DGKB: variants seen among roughly 807,000 people sequenced by gnomAD.
The protein encoded by DGKB is 90 kDa diacylglycerol kinase.
DGKB carries 67 observed loss-of-function variants against 114.3 expected under a neutral mutation model. The observed-to-expected ratio is 0.59, with a 90% CI of 0.48 to 0.72. The LOEUF (loss-of-function observed/expected upper bound fraction) is 0.72. DGKB is among the 30% of genes least tolerant of loss of function. The pLI, the probability that DGKB is intolerant of heterozygous loss-of-function variation, is 0.00. For synonymous variants in DGKB, 398 were observed against 323.1 expected, an observed-to-expected ratio of 1.23 and a Z score of -2.49; for missense variants, 907 against 975.2, an observed-to-expected ratio of 0.93 and a Z score of 0.93.
At chr7:14,356,681 T>G (rs2128619372) in intron 21 of DGKB, among the ~76,000 whole-genome samples, 1 of 152,190 alleles carries the variant, frequency 6.6e-6, no homozygotes, top group East Asian at 1.9e-4. Flanking sequence ...GTTCTTTTAA[T>G]TATGATGTTA....
At chr7:14,259,646 G>A (rs1473127316) in intron 23 of DGKB, among the ~76,000 whole-genome samples, 2 of 152,024 alleles carry the variant, frequency 1.3e-5, no homozygotes, top group Non-Finnish European at 1.5e-5. Flanking sequence ...GGATGGTCTT[G>A]AACTCCTGGC....
At chr7:14,269,991 A>C (rs2128429456) in intron 23 of DGKB, among the ~76,000 whole-genome samples, 1 of 149,078 alleles carries the variant, frequency 6.7e-6, no homozygotes, top group South Asian at 2.1e-4. Flanking sequence ...GACCTTTCTC[A>C]ATTGAGGGTC....
At chr7:14,449,026 T>C (rs193090726) in intron 21 of DGKB, among the ~76,000 whole-genome samples, 81 of 152,194 alleles carry the variant, frequency 5.3e-4, no homozygotes, top group Non-Finnish European at 9.6e-4. Flanking sequence ...CAAGTGTCCT[T>C]AGGAACTCAC....
chr7:14,770,274 A>G (rs1837224101), intron 2 of DGKB, among the ~76,000 whole-genome samples: 1 of 152,074 alleles, frequency 6.6e-6, no homozygotes. Flanking sequence ...AACAGCAGCG[A>G]GAGGGGACAA....
intron 1 of DGKB, among the ~76,000 whole-genome samples, chr7:14,909,549 C>A (rs533815399): frequency 6.6e-6 from 1 of 152,030 alleles, no homozygotes; most frequent in Non-Finnish European, 1.5e-5. Flanking sequence ...TAGTTATACC[C>A]AGCCCAATGT....
At chr7:14,278,576 T>G (rs139810809) in intron 23 of DGKB, among the ~76,000 whole-genome samples, 1 of 152,110 alleles carries the variant, frequency 6.6e-6, no homozygotes, top group Non-Finnish European at 1.5e-5. Context: ...ATGACATTGG[T>G]CTGGCAATGA....
In DGKB at chr7:14,513,597, A is replaced by G. The variant is rs137925514; in HGVS notation, c.1771-35372T>C. ...TTATTAAAACAAAATTTTTTAATAC[A>G]TCTATTGCATTTTGGGCACTATAGT... On this transcript the variant is annotated intron_variant, in intron 20 of 25. Coordinates refer to ENST00000402815, the MANE Select transcript of DGKB (RefSeq NM_001350709.2). 1.6e-4 allele frequency among the ~76,000 whole-genome samples: 24 copies of G among 152,168 alleles called. 1 individual carries two copies. The highest frequency in any genetic ancestry group is 5.8e-4 in the African/African-American group (24 of 41,574).
intron 1 of DGKB, among the ~76,000 whole-genome samples, chr7:14,971,126 C>T (rs10235646): frequency 6.6e-6 from 1 of 152,294 alleles, no homozygotes; most frequent in East Asian, 1.9e-4. Context: ...GGATTAATTT[C>T]TCAGTTGAAC....
At chr7:14,934,227 T>C (rs759622919) in intron 1 of DGKB, among the ~76,000 whole-genome samples, 3 of 152,198 alleles carry the variant, frequency 2.0e-5, no homozygotes, top group Non-Finnish European at 4.4e-5. Context: ...TATGTTTCCC[T>C]CTTGACTTCA....
chr7:14,405,558 G>T (rs1421009689), intron 21 of DGKB, among the ~76,000 whole-genome samples: 1 of 151,918 alleles, frequency 6.6e-6, no homozygotes, highest in Admixed American at 6.6e-5. Flanking sequence ...TCTGTATAAT[G>T]AATCTAACAT....
intron 21 of DGKB, among the ~76,000 whole-genome samples, chr7:14,443,107 T>C (rs1291615450): frequency 6.6e-6 from 1 of 152,152 alleles, no homozygotes; most frequent in African/African-American, 2.4e-5. Flanking sequence ...TGTGTACTTA[T>C]TTTGTCTTCT....
At chr7:14,613,458 T>C (rs761340810) in intron 15 of DGKB, 45 bp from the exon 16 acceptor site, 2 of 1,018,788 alleles carry the variant, frequency 2.0e-6, no homozygotes, top group South Asian at 3.0e-5. Flanking sequence ...AGGCCCATTA[T>C]ATATGAAGAA....
At chr7:14,216,004 C>A (rs1788898111) in intron 23 of DGKB, among the ~76,000 whole-genome samples, 1 of 152,000 alleles carries the variant, frequency 6.6e-6, no homozygotes, top group Non-Finnish European at 1.5e-5. Flanking sequence ...TTACTATATA[C>A]CAAGTTTTAT....
chr7:14,339,734 G>C lies in DGKB; in HGVS notation c.1927-1024C>G, dbSNP rs145749360. On this transcript the variant is annotated intron_variant, in intron 22 of 25. Transcript: ENST00000402815. ...ATTATTATCCCATTTTCAATTATAAGTGAATATGAAAAGAGATATAAGCGC... is the reference window on the plus strand; with the variant it reads ...ATTATTATCCCATTTTCAATTATAACTGAATATGAAAAGAGATATAAGCGC... 1.3e-3 allele frequency among the ~76,000 whole-genome samples: 197 copies of C among 151,944 alleles called. 1 individual carries two copies. Among genetic ancestry groups the C allele is most frequent in the African/African-American group, 4.6e-3 (190 of 41,508 alleles).
At chr7:14,879,257 C>G (rs913144960) in intron 1 of DGKB, among the ~76,000 whole-genome samples, 2 of 151,744 alleles carry the variant, frequency 1.3e-5, no homozygotes, top group Non-Finnish European at 2.9e-5. Context: ...TGTTTAGATT[C>G]CTGATTTGTC....
chr7:14,189,014 T>G (rs1257963628), intron 23 of DGKB, among the ~76,000 whole-genome samples: 1 of 152,212 alleles, frequency 6.6e-6, no homozygotes, highest in Non-Finnish European at 1.5e-5. Context: ...ACCATAAAGT[T>G]GGTGTTACAA....
At chr7:14,389,816 G>T (rs1422435440) in intron 21 of DGKB, among the ~76,000 whole-genome samples, 2 of 152,154 alleles carry the variant, frequency 1.3e-5, no homozygotes, top group Admixed American at 1.3e-4. Flanking sequence ...GATTTCTCTG[G>T]CTTACTGAAC....
intron 17 of DGKB, among the ~76,000 whole-genome samples, chr7:14,590,632 GT>G (rs2128744566): frequency 6.6e-6 from 1 of 152,144 alleles, no homozygotes; most frequent in Non-Finnish European, 1.5e-5. Flanking sequence ...AATCCATGCA[GT>G]TTTCCCTAGA....
At chr7:14,152,367 C>A (rs1039409784) in intron 25 of DGKB, among the ~76,000 whole-genome samples, 1 of 151,962 alleles carries the variant, frequency 6.6e-6, no homozygotes, top group Non-Finnish European at 1.5e-5. Context: ...GAGACTCTGA[C>A]ATTATTATTT....
Sources: allele counts gnomAD v4.1 joint callset (sites outside exome capture counted in the v4.1 genomes callset), GRCh38; gene constraint gnomAD v4.1.1; transcripts MANE v1.5; gene names NCBI Gene and HGNC (gene_info 2026-07-23, HGNC 2026-07-21).